The following HTR2A variants were observed in gnomAD, a reference collection of about 807,000 sequenced individuals.
HTR2A encodes the protein 5-HT2 receptor.
In HTR2A, 14 loss-of-function variants were observed where a neutral mutation model predicts 31.0. The observed-to-expected ratio is 0.45, with a 90% CI of 0.30 to 0.71. The LOEUF (loss-of-function observed/expected upper bound fraction) is 0.71. HTR2A is among the 30% of genes least tolerant of loss of function. HTR2A has a pLI of 0.09. For synonymous variants in HTR2A, 209 were observed against 225.2 expected, an observed-to-expected ratio of 0.93 and a Z score of 0.64; for missense variants, 442 against 573.3, an observed-to-expected ratio of 0.77 and a Z score of 2.34.
chr13:46,845,442 A>G (rs3742278), intron 3 of HTR2A, among the ~76,000 whole-genome samples: 28,717 of 151,970 alleles, frequency 0.19, 3,231 homozygotes, highest in East Asian at 0.48. Flanking sequence ...AAGTGCACAC[A>G]TTGCTTATCA....
intron 3 of HTR2A, among the ~76,000 whole-genome samples, chr13:46,836,078 T>C (rs573586068): frequency 3.4e-4 from 51 of 152,050 alleles, no homozygotes; most frequent in African/African-American, 1.1e-3. Flanking sequence ...AGAATATAGA[T>C]TTGTTTCTTT....
At chr13:46,891,565 A>G (rs1406569083) in intron 3 of HTR2A, among the ~76,000 whole-genome samples, 1 of 152,210 alleles carries the variant, frequency 6.6e-6, no homozygotes, top group Non-Finnish European at 1.5e-5. Flanking sequence ...GTGGAATCTC[A>G]TAGTCTCTCA....
chr13:46,896,573 C>T, intron 1 of HTR2A, 101 bp downstream of exon 1: 2 of 931,076 alleles, frequency 2.1e-6, no homozygotes, highest in East Asian at 5.7e-5. Context: ...CAACTTTCCT[C>T]CCTGGAAATT....
intron 3 of HTR2A, among the ~76,000 whole-genome samples, chr13:46,879,513 A>G (rs1463665602): frequency 6.6e-6 from 1 of 152,174 alleles, no homozygotes; most frequent in African/African-American, 2.4e-5. Context: ...AGTTGGAGAG[A>G]GATGGAGAGA....
intron 3 of HTR2A, among the ~76,000 whole-genome samples, chr13:46,855,137 C>A (rs889543780): frequency 6.6e-6 from 1 of 152,158 alleles, no homozygotes; most frequent in Non-Finnish European, 1.5e-5. Context: ...CCTGCCAATA[C>A]CTTGATTCCC....
chr13:46,841,484 A>C (rs1950596657), intron 3 of HTR2A, among the ~76,000 whole-genome samples: 1 of 151,660 alleles, frequency 6.6e-6, no homozygotes, highest in South Asian at 2.1e-4. Flanking sequence ...CATTAGAATC[A>C]CTGAGGGAGT....
chr13:46,846,002 A>G (rs924005760), intron 3 of HTR2A, among the ~76,000 whole-genome samples: 9 of 152,222 alleles, frequency 5.9e-5, no homozygotes, highest in Admixed American at 3.9e-4. Flanking sequence ...GGTTCAGTAC[A>G]GTAACACTCT....
chr13:46,870,241 A>AG (rs1302686594), intron 3 of HTR2A, among the ~76,000 whole-genome samples: 1 of 152,192 alleles, frequency 6.6e-6, no homozygotes, highest in African/African-American at 2.4e-5. Flanking sequence ...AGACTACTGT[A>AG]GGGATAGAAT....
At chr13:46,835,721 A>C in intron 3 of HTR2A, 82 bp from the exon 4 acceptor site, 1 of 1,015,988 alleles carries the variant, frequency 9.8e-7, no homozygotes, top group Non-Finnish European at 1.4e-6. Flanking sequence ...AATATTGGCT[A>C]TTGAAAAGAT....
intron 3 of HTR2A, among the ~76,000 whole-genome samples, chr13:46,887,093 A>G (rs1055303185): frequency 5.3e-5 from 8 of 152,090 alleles, no homozygotes; most frequent in African/African-American, 1.7e-4. Flanking sequence ...ACACCCAAAC[A>G]TTTTATTTCA....
chr13:46,875,706 C>A (rs1439939205), intron 3 of HTR2A, among the ~76,000 whole-genome samples: 2 of 152,054 alleles, frequency 1.3e-5, no homozygotes, highest in Admixed American at 6.6e-5. Flanking sequence ...AAATGTTCAC[C>A]TACAGAAATC....
At chr13:46,852,872 T>C (rs1449978618) in intron 3 of HTR2A, among the ~76,000 whole-genome samples, 1 of 152,226 alleles carries the variant, frequency 6.6e-6, no homozygotes, top group African/African-American at 2.4e-5. Flanking sequence ...AATGAACACC[T>C]TAGTTCTACA....
At chr13:46,890,556 T>G (rs1307112448) in intron 3 of HTR2A, among the ~76,000 whole-genome samples, 2 of 152,208 alleles carry the variant, frequency 1.3e-5, no homozygotes, top group African/African-American at 4.8e-5. Flanking sequence ...TCTCTGAAGC[T>G]GATTTTCTTT....
chr13:46,880,207 G>A (rs1445558989), intron 3 of HTR2A, among the ~76,000 whole-genome samples: 1 of 152,180 alleles, frequency 6.6e-6, no homozygotes, highest in Admixed American at 6.5e-5. Flanking sequence ...TTAGGCCAAT[G>A]AAGGAGTAGG....
intron 1 of HTR2A, 31 bp from the exon 2 acceptor site, chr13:46,896,265 T>G (rs992557805): frequency 9.2e-7 from 1 of 1,087,384 alleles, no homozygotes; most frequent in African/African-American, 1.7e-5. Flanking sequence ...TTATAACTAC[T>G]GGGACTCTTG....
chr13:46,883,878 C>A (rs1950985964), intron 3 of HTR2A, among the ~76,000 whole-genome samples: 1 of 152,164 alleles, frequency 6.6e-6, no homozygotes, highest in African/African-American at 2.4e-5. Flanking sequence ...CAATGATTTG[C>A]AATTATGTTC....
chr13:46,856,602 A>T (rs1950739829), intron 3 of HTR2A, among the ~76,000 whole-genome samples: 1 of 152,118 alleles, frequency 6.6e-6, no homozygotes, highest in Non-Finnish European at 1.5e-5. Flanking sequence ...GTTAAAAAAA[A>T]AAAATACAAA....
intron 3 of HTR2A, among the ~76,000 whole-genome samples, chr13:46,889,131 A>G (rs1204230124): frequency 1.3e-5 from 2 of 152,180 alleles, no homozygotes; most frequent in African/African-American, 2.4e-5. Context: ...AAAGTCACAA[A>G]AGGTTTGAAA....
intron 3 of HTR2A, among the ~76,000 whole-genome samples, chr13:46,869,086 C>T (rs1051311452): frequency 9.2e-5 from 14 of 151,948 alleles, no homozygotes; most frequent in African/African-American, 3.4e-4. Context: ...ATAGATAAAC[C>T]GGACTTCGTC....
Sources: gnomAD v4.1 joint callset for allele counts (sites outside exome capture counted in the v4.1 genomes callset) on GRCh38, gnomAD v4.1.1 for gene constraint, MANE v1.5 for transcripts, NCBI Gene and HGNC (gene_info 2026-07-23, HGNC 2026-07-21) for gene names.